Variants in ASTN2 observed in about 807,000 individuals in gnomAD.
ASTN2 encodes the protein astrotactin-2.
ASTN2 carries 54 observed loss-of-function variants against 139.8 expected under a neutral mutation model. That is an observed-to-expected ratio of 0.39 (90% CI 0.31 to 0.48). ASTN2 has a LOEUF of 0.48. Among genes scored for constraint, ASTN2 ranks in the 20% least tolerant of loss-of-function variants. The pLI, the probability that ASTN2 is intolerant of heterozygous loss-of-function variation, is 0.95. For synonymous variants in ASTN2, 756 were observed against 719.5 expected (o/e 1.05, Z -0.81); for missense variants, 1,565 against 1,725.1 (o/e 0.91, Z 1.64).
chr9:117,222,267 A>G (rs1334077147), intron 2 of ASTN2, among the ~76,000 whole-genome samples: 3 of 152,166 alleles, frequency 2.0e-5, no homozygotes, highest in Non-Finnish European at 4.4e-5. Context: ...CTTGTCTCGA[A>G]CGTATGCTTT....
At chr9:116,635,923 A>G (rs1051720408) in intron 17 of ASTN2, among the ~76,000 whole-genome samples, 1 of 152,240 alleles carries the variant, frequency 6.6e-6, no homozygotes, top group Non-Finnish European at 1.5e-5. Flanking sequence ...ATAAGAAGTG[A>G]GAACGGAGCA....
In ASTN2 at chr9:116,501,812, C is replaced by T. The variant is rs539448554; in HGVS notation, c.3356-14312G>A. Among the ~76,000 whole-genome samples, 10 of 151,972 alleles carry T rather than the reference C, an allele frequency of 6.6e-5. No individual in the cohort carries two copies. The East Asian group carries it at 1.8e-3, about 27-fold the overall frequency. ...TCACATGTATCCATATGTAACTAAC[C>T]TGCACATTGTGCACGCGTACCCTAA... On this transcript the variant is annotated intron_variant, in intron 19 of 22. Transcript: ENST00000313400.
At chr9:116,651,439 T>C in intron 17 of ASTN2, 89 bp downstream of exon 17, 2 of 1,426,342 alleles carry the variant, frequency 1.4e-6, no homozygotes, top group South Asian at 1.3e-5. Flanking sequence ...ATGATCATGA[T>C]GACAATACCC....
intron 19 of ASTN2, among the ~76,000 whole-genome samples, chr9:116,614,534 A>G (rs1043735273): frequency 2.0e-5 from 3 of 152,202 alleles, no homozygotes; most frequent in African/African-American, 7.2e-5. Context: ...GTTATAGACC[A>G]ATGGAACACA....
chr9:116,580,100 G>A (rs560075232), intron 19 of ASTN2, among the ~76,000 whole-genome samples: 78 of 152,286 alleles, frequency 5.1e-4, no homozygotes, highest in Non-Finnish European at 9.0e-4. Flanking sequence ...GATTACAGGC[G>A]TGAGCCCCCG....
rs1453556783 is a variant in ASTN2, at chr9:116,591,870, G to T, written c.3355+26454C>A. 2.0e-5 allele frequency among the ~76,000 whole-genome samples: 3 copies of T among 152,110 alleles called. No individual in the cohort carries two copies. The East Asian group carries it at 5.8e-4, about 29-fold the overall frequency. On this transcript the variant is annotated intron_variant, in intron 19 of 22. Coordinates refer to ENST00000313400, the MANE Select transcript of ASTN2 (RefSeq NM_001365068.1). ...ATCCATATATGTACTTATGATACGT[G>T]CATTTTTATGTGGGAATGTTATACT...
At chr9:117,268,056 AAT>A (rs1389463910) in intron 2 of ASTN2, among the ~76,000 whole-genome samples, 1 of 152,188 alleles carries the variant, frequency 6.6e-6, no homozygotes, top group Non-Finnish European at 1.5e-5. Context: ...AAAGCACTGG[AAT>A]AGATTATAAA....
At chr9:116,436,759 C>G (rs376003816) in intron 22 of ASTN2, among the ~76,000 whole-genome samples, 40 of 151,870 alleles carry the variant, frequency 2.6e-4, no homozygotes, top group African/African-American at 8.9e-4. Flanking sequence ...CACATGCACA[C>G]GTATGTTTAT....
intron 19 of ASTN2, among the ~76,000 whole-genome samples, chr9:116,492,950 T>C (rs773225716): frequency 6.6e-6 from 1 of 152,208 alleles, no homozygotes; most frequent in Non-Finnish European, 1.5e-5. Flanking sequence ...AACCTTCAAC[T>C]AGATCAACTC....
intron 13 of ASTN2, among the ~76,000 whole-genome samples, chr9:116,781,316 A>G (rs1830213637): frequency 1.3e-5 from 2 of 152,200 alleles, no homozygotes; most frequent in African/African-American, 4.8e-5. Context: ...CTAAATCAAC[A>G]TTGACAAGGA....
At chr9:117,203,120 T>C (rs1164979111) in intron 3 of ASTN2, among the ~76,000 whole-genome samples, 1 of 151,916 alleles carries the variant, frequency 6.6e-6, no homozygotes. Flanking sequence ...TTCTGCTTGG[T>C]TGATTTGGCT....
intron 20 of ASTN2, among the ~76,000 whole-genome samples, chr9:116,452,204 C>T (rs1278383381): frequency 1.3e-5 from 2 of 152,148 alleles, no homozygotes; most frequent in Admixed American, 6.5e-5. Flanking sequence ...ATCTCTGAAG[C>T]AAATTGTAGG....
chr9:116,545,534 A>G (rs764523937), intron 19 of ASTN2, among the ~76,000 whole-genome samples: 2 of 152,214 alleles, frequency 1.3e-5, no homozygotes, highest in Non-Finnish European at 2.9e-5. Flanking sequence ...AAGCAATTTC[A>G]TTGTATAGCT....
At chr9:116,924,381 G>A (rs1834696638) in intron 10 of ASTN2, among the ~76,000 whole-genome samples, 1 of 138,534 alleles carries the variant, frequency 7.2e-6, no homozygotes, top group African/African-American at 2.7e-5. Context: ...AGTGAGTAGA[G>A]ATTGCACCAC....
At position 116,750,621 on chromosome 9, in the gene ASTN2, G is replaced by A. The variant is rs187942262; in HGVS notation, c.2397-17098C>T. On this transcript the variant is annotated intron_variant, in intron 13 of 22. Transcript: ENST00000313400. ...CAATGGAGAAAGAAAACACCCAAAG[G>A]CAGTAGAAAGACAGTAATATTCGCA... Among the ~76,000 whole-genome samples the A allele has an allele frequency of 1.5e-3, 235 of 152,066 alleles. 1 individual carries two copies. The highest frequency in any genetic ancestry group is 6.8e-3 in the Middle Eastern group (2 of 294).
chr9:116,881,682 G>A (rs1833453047), intron 10 of ASTN2, among the ~76,000 whole-genome samples: 1 of 152,190 alleles, frequency 6.6e-6, no homozygotes, highest in South Asian at 2.1e-4. Flanking sequence ...ACAGGCTAGT[G>A]GAAAGTGCAA....
At chr9:117,199,204 C>G (rs1433818130) in intron 3 of ASTN2, among the ~76,000 whole-genome samples, 1 of 152,126 alleles carries the variant, frequency 6.6e-6, no homozygotes, top group East Asian at 1.9e-4. Flanking sequence ...GAAGCCTTTG[C>G]CCATGCCTAT....
chr9:116,621,695 A>C (rs1049779724), intron 17 of ASTN2, among the ~76,000 whole-genome samples: 1 of 152,228 alleles, frequency 6.6e-6, no homozygotes, highest in African/African-American at 2.4e-5. Context: ...CCTTATTCAC[A>C]TGAATATTCC....
intron 1 of ASTN2, among the ~76,000 whole-genome samples, chr9:117,396,006 T>C (rs1345648039): frequency 6.6e-6 from 1 of 152,138 alleles, no homozygotes; most frequent in Non-Finnish European, 1.5e-5. Flanking sequence ...AACCACAGTT[T>C]TCTCATCTAT....
Sources: gnomAD v4.1 joint callset for allele counts (sites outside exome capture counted in the v4.1 genomes callset) on GRCh38, gnomAD v4.1.1 for gene constraint, MANE v1.5 for transcripts, NCBI Gene and HGNC (gene_info 2026-07-23, HGNC 2026-07-21) for gene names.